The following GPC5 variants were observed in gnomAD, a reference collection of about 807,000 sequenced individuals.
GPC5 encodes glypican 5.
Under a neutral mutation model 53.9 loss-of-function variants are expected in GPC5, and 47 were observed. The observed-to-expected ratio is 0.87, with a 90% CI of 0.69 to 1.11. GPC5 has a LOEUF of 1.11. GPC5 is among the 50% of genes most tolerant of loss of function. The pLI, the probability that GPC5 is intolerant of heterozygous loss-of-function variation, is 0.00. For missense variants in GPC5, 748 were observed against 713.1 expected (o/e 1.05, Z -0.56); for synonymous variants, 286 against 263.3 (o/e 1.09, Z -0.84).
rs138992751 is a variant in GPC5 at position 91,703,738 on chromosome 13, C to T, written c.1020+9857C>T. Among the ~76,000 whole-genome samples, 3 of 152,146 alleles carry T rather than the reference C, an allele frequency of 2.0e-5. No individual in the cohort carries two copies. The East Asian group carries it at 5.8e-4, about 29-fold the overall frequency. On this transcript the variant is annotated intron_variant, in intron 3 of 7. Coordinates refer to ENST00000377067, the MANE Select transcript of GPC5 (RefSeq NM_004466.6). ...AAGGATTGGTGCTAGTTCCTTTAAA[C>T]GTTTGGTGAAATTCAACTGTGGAGC...
At chr13:92,071,008 C>T (rs1236328893) in intron 6 of GPC5, among the ~76,000 whole-genome samples, 4 of 152,168 alleles carry the variant, frequency 2.6e-5, no homozygotes, top group Admixed American at 6.5e-5. Context: ...GAGGCTGAGG[C>T]GGGCGGATCA....
rs906573601 is a variant in GPC5 at position 91,596,928 on chromosome 13, T to C, written c.326-96259T>C. ...TGAATACTCCAGAACCCTCATTGAATCTCTGAAGTTCTCTCACCTTTTTGA... is the reference window on the plus strand; with the variant it reads ...TGAATACTCCAGAACCCTCATTGAACCTCTGAAGTTCTCTCACCTTTTTGA... On this transcript the variant is annotated intron_variant, in intron 2 of 7. Transcript: ENST00000377067. Among the ~76,000 whole-genome samples, 5 of 152,288 alleles carry C rather than the reference T, an allele frequency of 3.3e-5. No individual in the cohort carries two copies. In the East Asian group the frequency reaches 5.8e-4, roughly 18 times the overall value.
chr13:91,894,677 C>A (rs114812001), intron 5 of GPC5, among the ~76,000 whole-genome samples: 3,553 of 152,190 alleles, frequency 0.023, 53 homozygotes, highest in Middle Eastern at 0.041. Context: ...CTGCACCCAC[C>A]ATTTAGAATG....
intron 5 of GPC5, among the ~76,000 whole-genome samples, chr13:91,872,348 A>G (rs928253935): frequency 2.0e-5 from 3 of 152,222 alleles, no homozygotes; most frequent in Non-Finnish European, 2.9e-5. Context: ...TCAAAAAAAT[A>G]AAATATAACT....
chr13:92,866,366 G>C lies in GPC5; in HGVS notation c.1646G>C (p.Gly549Ala), dbSNP rs764249712. The C allele has an allele frequency of 8.7e-6, 14 of 1,613,042 alleles. No individual in the cohort carries two copies. Among genetic ancestry groups the C allele is most frequent in the Non-Finnish European group, 1.1e-5 (13 of 1,179,366 alleles). Reference protein sequence around the residue: ...TGSTLDTTGAGCAVATESMTF... With the variant: ...TGSTLDTTGAACAVATESMTF... ...AGTACTTTAGACACAACAGGAGCAG[G>C]ATGTGCAGTGGCGACTGAATCTATG... is the stretch of plus-strand genomic sequence containing the variant. Residue 549 changes from glycine to alanine, a missense_variant, in exon 8 of 8, where the codon GGA (glycine) becomes GCA (alanine). Transcript: ENST00000377067.
chr13:92,613,162 G>GA (rs1000351138), intron 7 of GPC5, among the ~76,000 whole-genome samples: 1 of 144,302 alleles, frequency 6.9e-6, no homozygotes, highest in South Asian at 2.1e-4. Context: ...CAATGATAAG[G>GA]AAAAAAATAA....
intron 2 of GPC5, among the ~76,000 whole-genome samples, chr13:91,482,867 T>G (rs997579371): frequency 8.6e-5 from 13 of 151,354 alleles, no homozygotes; most frequent in Non-Finnish European, 1.3e-4. Flanking sequence ...AATGCAGGTT[T>G]TTTTTTTTTT....
chr13:92,004,478 A>ATATATATATATAT (rs1555303843), intron 6 of GPC5, among the ~76,000 whole-genome samples: 12 of 136,114 alleles, frequency 8.8e-5, no homozygotes, highest in African/African-American at 3.1e-4. Context: ...ATATATATAT[A>ATATATATATATAT]TATATATATA....
At chr13:91,748,170 A>G (rs1363540004) in intron 4 of GPC5, among the ~76,000 whole-genome samples, 3 of 152,256 alleles carry the variant, frequency 2.0e-5, no homozygotes, top group Non-Finnish European at 4.4e-5. Context: ...ATAACGCAGC[A>G]TATCTGTGAT....
intron 6 of GPC5, among the ~76,000 whole-genome samples, chr13:92,013,894 A>G (rs1446547097): frequency 3.9e-5 from 6 of 152,224 alleles, no homozygotes; most frequent in Non-Finnish European, 7.3e-5. Context: ...CAAAATTAAA[A>G]CATGATATAT....
intron 2 of GPC5, among the ~76,000 whole-genome samples, chr13:91,478,668 G>A (rs1195711774): frequency 2.0e-5 from 3 of 150,082 alleles, no homozygotes; most frequent in African/African-American, 4.9e-5. Context: ...TGTAATCAGT[G>A]CATATATGAT....
In GPC5 at chr13:92,624,342, T is replaced by C. The variant is rs149324780; in HGVS notation, c.1562-241940T>C. On this transcript the variant is annotated intron_variant, in intron 7 of 7. Coordinates refer to ENST00000377067, the MANE Select transcript of GPC5 (RefSeq NM_004466.6). ...GCCTCGGCCTCCCAAAATGCTGGTA[T>C]TACAGGCATGAGCCACTGCGCCCAG... Among the ~76,000 whole-genome samples the C allele has an allele frequency of 4.3e-3, 652 of 152,312 alleles. 6 individuals are homozygous for C. Among genetic ancestry groups the C allele is most frequent in the African/African-American group, 0.015 (626 of 41,574 alleles).
chr13:92,533,305 C>A (rs1237355465), intron 7 of GPC5, among the ~76,000 whole-genome samples: 3 of 152,060 alleles, frequency 2.0e-5, no homozygotes, highest in Admixed American at 6.6e-5. Context: ...CATCTGTTTT[C>A]TTTGAGCTAG....
intron 7 of GPC5, among the ~76,000 whole-genome samples, chr13:92,481,410 A>G (rs1879351811): frequency 6.6e-6 from 1 of 151,980 alleles, no homozygotes; most frequent in Admixed American, 6.6e-5. Flanking sequence ...CAATTTTTGT[A>G]TTTTAAGACA....
chr13:91,635,901 CAAG>C (rs1467091828), intron 2 of GPC5, among the ~76,000 whole-genome samples: 1 of 152,086 alleles, frequency 6.6e-6, no homozygotes, highest in Non-Finnish European at 1.5e-5. Flanking sequence ...TCTTCCTATT[CAAG>C]AAGAAGATGA....
chr13:92,624,751 C>T (rs1236284564), intron 7 of GPC5, among the ~76,000 whole-genome samples: 1 of 152,156 alleles, frequency 6.6e-6, no homozygotes, highest in Non-Finnish European at 1.5e-5. Context: ...ACAGGAGGTA[C>T]ACCTGCTTCT....
intron 6 of GPC5, among the ~76,000 whole-genome samples, chr13:92,093,293 C>T (rs1220099935): frequency 1.3e-5 from 2 of 151,984 alleles, no homozygotes; most frequent in Non-Finnish European, 2.9e-5. Flanking sequence ...TCAGTTAAGT[C>T]GGTATTATTA....
intron 7 of GPC5, among the ~76,000 whole-genome samples, chr13:92,796,107 C>T (rs1371111276): frequency 1.3e-5 from 2 of 152,092 alleles, no homozygotes; most frequent in Non-Finnish European, 2.9e-5. Flanking sequence ...GACTTGGAAC[C>T]AACCCAAATG....
At chr13:91,882,556 A>G (rs2039275597) in intron 5 of GPC5, among the ~76,000 whole-genome samples, 1 of 151,678 alleles carries the variant, frequency 6.6e-6, no homozygotes, top group African/African-American at 2.4e-5. Flanking sequence ...TATACATTTT[A>G]ATATTGTTAA....
Sources: allele counts gnomAD v4.1 joint callset (sites outside exome capture counted in the v4.1 genomes callset), GRCh38; gene constraint gnomAD v4.1.1; transcripts MANE v1.5; gene names NCBI Gene and HGNC (gene_info 2026-07-23, HGNC 2026-07-21).